Variants in CENPN observed in about 807,000 individuals in gnomAD.
CENPN encodes interphase centromere complex protein 32.
Under a neutral mutation model 48.6 loss-of-function variants are expected in CENPN, and 36 were observed. The ratio of observed to expected loss-of-function variants is 0.74; its 90% confidence interval spans 0.57 to 0.98. The LOEUF is 0.98. CENPN is among the 50% of genes least tolerant of loss of function. The pLI, the probability that CENPN is intolerant of heterozygous loss-of-function variation, is 0.00. For missense variants in CENPN, 439 were observed against 399.2 expected (o/e 1.10, Z -0.85); for synonymous variants, 166 against 135.2 (o/e 1.23, Z -1.58).
rs543665245 is a variant in CENPN, at chr16:81,020,136, G to A, written c.391G>A (p.Val131Ile). ...CTTCAGAGAAACTGAGGAGAATGCA[G>A]TCTGGATTCGAATTGCCTGGGGAAC... is the stretch of plus-strand genomic sequence containing the variant. ...VSFRETEENAVWIRIAWGTQY... is the reference protein window; with the variant it reads ...VSFRETEENAIWIRIAWGTQY... Residue 131 changes from valine to isoleucine, a missense_variant, in exon 6 of 11, where the codon GTC becomes ATC. Coordinates refer to ENST00000305850, the MANE Select transcript of CENPN (RefSeq NM_001100624.3). 1.9e-6 allele frequency: 3 copies of A among 1,612,922 alleles called. No individual in the cohort carries two copies. The highest frequency in any genetic ancestry group is 2.2e-5 in the South Asian group (2 of 90,976).
chr16:81,013,684 G>A (rs1294282426), intron 2 of CENPN, among the ~76,000 whole-genome samples: 1 of 151,960 alleles, frequency 6.6e-6, no homozygotes, highest in Non-Finnish European at 1.5e-5. Context: ...TTGCGCGTTT[G>A]CACTCCTGCT....
intron 6 of CENPN, among the ~76,000 whole-genome samples, chr16:81,020,966 C>A (rs1468892757): frequency 6.6e-6 from 1 of 151,898 alleles, no homozygotes; most frequent in African/African-American, 2.4e-5. Context: ...GTGGTGGGCA[C>A]CTGTAATCCC....
chr16:81,010,301 G>T (rs773542202), intron 1 of CENPN, among the ~76,000 whole-genome samples: 1 of 152,210 alleles, frequency 6.6e-6, no homozygotes, highest in East Asian at 1.9e-4. Flanking sequence ...AGTAGCAGAC[G>T]TGAGATCAGC....
intron 7 of CENPN, chr16:81,022,968 AT>A (rs1353189553): frequency 8.0e-7 from 1 of 1,254,196 alleles, no homozygotes; most frequent in Non-Finnish European, 1.1e-6. Context: ...TCACACTAGA[AT>A]TTGTTTTCTC....
rs1357003523 is a variant in CENPN at position 81,029,790 on chromosome 16, A to T, written c.*1139A>T. Reference sequence around the variant, plus strand: ...GGGTTTCTCCATGTTGCCCAGGCTGATCTCAAACTCCTGGGCTCAAGCAAT... The same window carrying T: ...GGGTTTCTCCATGTTGCCCAGGCTGTTCTCAAACTCCTGGGCTCAAGCAAT... On this transcript the variant is annotated 3_prime_UTR_variant, in exon 11 of 11. Transcript: ENST00000305850. Among the ~76,000 whole-genome samples the T allele has an allele frequency of 1.3e-5, 2 of 152,060 alleles. No homozygotes were observed. The highest frequency in any genetic ancestry group is 2.9e-5 in the Non-Finnish European group (2 of 68,016).
At chr16:81,032,404 C>T (rs769601409), downstream of CENPN, among the ~76,000 whole-genome samples, 15 of 152,184 alleles carry the variant, frequency 9.9e-5, no homozygotes, top group Non-Finnish European at 1.9e-4. Context: ...CATCTCCTTA[C>T]TCTCCTATGA....
At chr16:81,009,564 C>T (rs1312843448) in intron 1 of CENPN, among the ~76,000 whole-genome samples, 3 of 152,218 alleles carry the variant, frequency 2.0e-5, no homozygotes, top group East Asian at 1.9e-4. Context: ...TGATTCTGTT[C>T]CTACGACCTT....
chr16:81,022,498 A>T, intron 6 of CENPN, 99 bp from the exon 7 acceptor site: 1 of 988,470 alleles, frequency 1.0e-6, no homozygotes. Context: ...CTTACGGGGA[A>T]ACTATTCCCT....
intron 10 of CENPN, 79 bp from the exon 11 acceptor site, chr16:81,028,490 A>G (rs1341444921): frequency 6.4e-7 from 1 of 1,572,804 alleles, no homozygotes; most frequent in Admixed American, 1.9e-5. Context: ...AATCTCAGCC[A>G]TTTTTAAACT....
chr16:81,008,613 A>G (rs1969594833), intron 1 of CENPN, among the ~76,000 whole-genome samples: 1 of 152,074 alleles, frequency 6.6e-6, no homozygotes, highest in Admixed American at 6.5e-5. Context: ...CTCAAGTGAT[A>G]CACCACGCCC....
intron 3 of CENPN, among the ~76,000 whole-genome samples, chr16:81,015,822 A>G (rs1969908940): frequency 6.6e-6 from 1 of 152,188 alleles, no homozygotes; most frequent in South Asian, 2.1e-4. Context: ...CCTGGCCACT[A>G]TGGTGAAACC....
At position 81,024,739 on chromosome 16, in the gene CENPN, A is replaced by C. The variant is rs745448128; in HGVS notation, c.658A>C (p.Thr220Pro). 10 of 1,611,112 alleles carry C rather than the reference A, an allele frequency of 6.2e-6. No individual in the cohort carries two copies. Among genetic ancestry groups the C allele is most frequent in the Non-Finnish European group, 8.5e-6 (10 of 1,178,152 alleles). ...NQTFETHNST[T>P]PLQERSLGLD... The stretch of plus-strand genomic sequence containing the variant: ...GACCTTTGAAACTCACAACTCTACG[A>C]CACCTCTACAGGAAAGAAGCCTTGG... Residue 220 changes from threonine to proline, a missense_variant, in exon 8 of 11, where the codon ACA becomes CCA. Transcript: ENST00000305850.
intron 10 of CENPN, 31 bp downstream of exon 10, chr16:81,028,328 A>C: frequency 6.2e-7 from 1 of 1,609,508 alleles, no homozygotes; most frequent in Non-Finnish European, 8.5e-7. Context: ...ATAAGCTAGA[A>C]AAATTAACAA....
chr16:81,026,731 C>G, intron 9 of CENPN, 93 bp downstream of exon 9: 1 of 548,880 alleles, frequency 1.8e-6, no homozygotes, highest in Non-Finnish European at 3.2e-6. Context: ...AGAAACTGTT[C>G]CTTTTTCACT....
chr16:81,013,721 C>CA (rs974279432), intron 2 of CENPN, among the ~76,000 whole-genome samples: 142 of 137,086 alleles, frequency 1.0e-3, no homozygotes, highest in Middle Eastern at 3.7e-3. Context: ...ACTCTGTCTC[C>CA]AAAAAAAAAA....
rs1011947905 is a variant in CENPN at position 81,030,941 on chromosome 16, TAGG to T, written c.*2294_*2296del. The T allele has an allele frequency of 2.0e-5, 3 of 149,062 alleles. No homozygotes were observed. Among genetic ancestry groups the T allele is most frequent in the Non-Finnish European group, 4.5e-5 (3 of 67,344 alleles). The allele number at this position is 149,062 out of a possible 1,614,324, so 9.2% of individuals were successfully genotyped here. ...GTGTGCACCTGTAATCCCAGCTACT[TAGG>T]AGGCTGAGGCAGGAGAATCGCTTGA... On this transcript the variant is annotated 3_prime_UTR_variant, in exon 11 of 11. Coordinates refer to ENST00000305850, the MANE Select transcript of CENPN (RefSeq NM_001100624.3).
chr16:81,017,516 A>C, intron 4 of CENPN, 131 bp downstream of exon 4: 1 of 714,096 alleles, frequency 1.4e-6, no homozygotes, highest in South Asian at 1.8e-5. Context: ...TATCCAAAAA[A>C]AAAAAATAGC....
chr16:81,029,028 G>T lies in CENPN; in HGVS notation c.*377G>T. The T allele has an allele frequency of 1.0e-6, 1 of 990,488 alleles. No individual in the cohort carries two copies. The highest frequency in any genetic ancestry group is 1.2e-6 in the Non-Finnish European group (1 of 833,606). The allele number at this position is 990,488 out of a possible 1,614,324, so 61.4% of individuals were successfully genotyped here. ...ATTCTGGAGAGGTCTGGTTCCAGTGGCTGGTTTCCAGGGATTGATTCTTAA... is the reference window on the plus strand; with the variant it reads ...ATTCTGGAGAGGTCTGGTTCCAGTGTCTGGTTTCCAGGGATTGATTCTTAA... On this transcript the variant is annotated 3_prime_UTR_variant, in exon 11 of 11. Transcript: ENST00000305850.
In CENPN at chr16:81,017,360, A is replaced by C. The variant is rs935939; in HGVS notation, c.252A>C (p.Glu84Asp). The C allele has an allele frequency of 1.9e-6, 3 of 1,597,300 alleles. No individual in the cohort carries two copies. Among genetic ancestry groups the C allele is most frequent in the African/African-American group, 1.3e-5 (1 of 74,546 alleles). ...MQFHQHQKVWEVFQMSKGPGE... is the reference protein window; with the variant it reads ...MQFHQHQKVWDVFQMSKGPGE... ...TTCATCAGCACCAGAAAGTTTGGGAAGTTTTTCAGATGAGTAAAGGACCAG... is the reference window on the plus strand; with the variant it reads ...TTCATCAGCACCAGAAAGTTTGGGACGTTTTTCAGATGAGTAAAGGACCAG... The change falls in exon 4 of 11, where the codon GAA (glutamate) becomes GAC (aspartate). Residue 84 changes from glutamate (E) to aspartate (D), a missense_variant. Glu to Asp is a conservative substitution (Grantham distance 45, BLOSUM62 2). Transcript: ENST00000305850.
Sources: gnomAD v4.1 joint callset for allele counts (sites outside exome capture counted in the v4.1 genomes callset) on GRCh38, gnomAD v4.1.1 for gene constraint, MANE v1.5 for transcripts, NCBI Gene and HGNC (gene_info 2026-07-23, HGNC 2026-07-21) for gene names.